PALM2AKAP2: variants seen among roughly 807,000 people sequenced by gnomAD.
PALM2AKAP2 encodes the protein PALM2-AKAP2 fusion protein.
In PALM2AKAP2, 37 loss-of-function variants were observed where a neutral mutation model predicts 71.5. The ratio of observed to expected loss-of-function variants is 0.52; its 90% CI spans 0.40 to 0.68. PALM2AKAP2 has a LOEUF of 0.68. Ranked by LOEUF, PALM2AKAP2 falls within the 30% of genes least tolerant of loss-of-function variation. PALM2AKAP2 has a pLI of 0.00. For missense variants in PALM2AKAP2, 1,224 were observed against 1,191.8 expected, an observed-to-expected ratio of 1.03 and a Z score of -0.40; for synonymous variants, 468 against 478.8, an observed-to-expected ratio of 0.98 and a Z score of 0.29.
chr9:109,757,207 G>GA (rs1458049631), intron 1 of PALM2AKAP2, among the ~76,000 whole-genome samples: 1 of 152,048 alleles, frequency 6.6e-6, no homozygotes, highest in Non-Finnish European at 1.5e-5. Context: ...GTATGAGTGA[G>GA]AAAATGCAAG....
chr9:109,864,010 G>T (rs1387876655), intron 1 of PALM2AKAP2, among the ~76,000 whole-genome samples: 1 of 151,936 alleles, frequency 6.6e-6, no homozygotes, highest in Non-Finnish European at 1.5e-5. Flanking sequence ...AACTCAGGAA[G>T]CAGAGGTTGC....
intron 6 of PALM2AKAP2, among the ~76,000 whole-genome samples, chr9:109,978,732 A>G (rs539462077): frequency 1.3e-5 from 2 of 152,166 alleles, no homozygotes; most frequent in South Asian, 2.1e-4. Context: ...TCTTTATGTC[A>G]TTGCCTTTGA....
At chr9:109,642,142 A>G (rs143188630) in intron 1 of PALM2AKAP2, among the ~76,000 whole-genome samples, 1 of 152,096 alleles carries the variant, frequency 6.6e-6, no homozygotes, top group Non-Finnish European at 1.5e-5. Context: ...GTAAATTGTA[A>G]GATATGTACA....
At chr9:110,055,671 G>A (rs1258181923) in intron 1 of PALM2AKAP2, among the ~76,000 whole-genome samples, 6 of 152,162 alleles carry the variant, frequency 3.9e-5, no homozygotes, top group Non-Finnish European at 8.8e-5. Flanking sequence ...CAGGGACCCT[G>A]GAAAGGATTC....
intron 1 of PALM2AKAP2, among the ~76,000 whole-genome samples, chr9:110,120,380 G>A (rs1835455852): frequency 6.6e-6 from 1 of 152,142 alleles, no homozygotes; most frequent in Admixed American, 6.5e-5. Context: ...GTCAGGGGAT[G>A]GGGACATTTT....
intron 2 of PALM2AKAP2, among the ~76,000 whole-genome samples, chr9:110,149,414 G>A (rs536759976): frequency 2.7e-4 from 41 of 152,306 alleles, no homozygotes; most frequent in Middle Eastern, 3.4e-3. Context: ...TTTTCTCAGC[G>A]TGGGCTAATA....
chr9:109,726,654 T>C (rs1008453206), intron 1 of PALM2AKAP2, among the ~76,000 whole-genome samples: 3 of 152,214 alleles, frequency 2.0e-5, no homozygotes, highest in South Asian at 2.1e-4. Context: ...TGTATGTGTG[T>C]AGAAATCTGA....
intron 1 of PALM2AKAP2, among the ~76,000 whole-genome samples, chr9:110,056,465 C>CT (rs2132528279): frequency 6.6e-6 from 1 of 152,342 alleles, no homozygotes; most frequent in African/African-American, 2.4e-5. Flanking sequence ...AATTCAAGTA[C>CT]TTTTCAACCC....
chr9:109,644,055 C>T (rs545907999), intron 1 of PALM2AKAP2, among the ~76,000 whole-genome samples: 50 of 152,136 alleles, frequency 3.3e-4, no homozygotes, highest in African/African-American at 1.1e-3. Context: ...CTCACTATTG[C>T]GAGTGAACAC....
intron 1 of PALM2AKAP2, among the ~76,000 whole-genome samples, chr9:110,086,731 C>A (rs1834583297): frequency 6.6e-6 from 1 of 152,212 alleles, no homozygotes; most frequent in African/African-American, 2.4e-5. Context: ...ATTTTCCATC[C>A]CTGTCCTACA....
At chr9:109,964,062 A>G (rs1015292000) in intron 6 of PALM2AKAP2, among the ~76,000 whole-genome samples, 10 of 152,258 alleles carry the variant, frequency 6.6e-5, no homozygotes, top group African/African-American at 2.4e-4. Context: ...CTCAGTCAGT[A>G]TGAAGTATAT....
At chr9:109,817,411 C>T (rs760340402) in intron 1 of PALM2AKAP2, among the ~76,000 whole-genome samples, 3 of 152,178 alleles carry the variant, frequency 2.0e-5, no homozygotes, top group Admixed American at 6.5e-5. Flanking sequence ...AAGGGTAGCA[C>T]GTCTAATCTA....
At chr9:110,022,108 C>A (rs915601928) in intron 7 of PALM2AKAP2, among the ~76,000 whole-genome samples, 51 of 152,192 alleles carry the variant, frequency 3.4e-4, no homozygotes, top group African/African-American at 1.2e-3. Context: ...GCTTCCCCTG[C>A]CTTCTAGACT....
At chr9:110,043,591 G>A (rs1431294792) in intron 7 of PALM2AKAP2, among the ~76,000 whole-genome samples, 5 of 149,902 alleles carry the variant, frequency 3.3e-5, no homozygotes, top group African/African-American at 1.2e-4. Flanking sequence ...TACTCATATT[G>A]TAGGCAAAAA....
At chr9:109,702,676 T>G (rs1405264581) in intron 1 of PALM2AKAP2, among the ~76,000 whole-genome samples, 1 of 150,856 alleles carries the variant, frequency 6.6e-6, no homozygotes, top group Non-Finnish European at 1.5e-5. Context: ...CACACCAACA[T>G]AGCACATGTA....
intron 1 of PALM2AKAP2, among the ~76,000 whole-genome samples, chr9:109,814,767 A>G (rs1304967255): frequency 6.6e-6 from 1 of 152,218 alleles, no homozygotes; most frequent in Non-Finnish European, 1.5e-5. Flanking sequence ...TCATCTATCA[A>G]CCATTAAGCT....
intron 1 of PALM2AKAP2, among the ~76,000 whole-genome samples, chr9:109,653,901 A>C (rs1302059536): frequency 6.6e-6 from 1 of 152,232 alleles, no homozygotes; most frequent in Non-Finnish European, 1.5e-5. Context: ...ACAAGTAAAC[A>C]CACAGAGCAA....
intron 1 of PALM2AKAP2, among the ~76,000 whole-genome samples, chr9:109,800,088 G>T (rs574094472): frequency 6.6e-6 from 1 of 152,300 alleles, no homozygotes; most frequent in East Asian, 1.9e-4. Context: ...AGATTGATGG[G>T]CAGAAATCCT....
At chr9:110,122,450 C>G (rs560035168) in intron 1 of PALM2AKAP2, among the ~76,000 whole-genome samples, 3 of 152,184 alleles carry the variant, frequency 2.0e-5, no homozygotes, top group Non-Finnish European at 4.4e-5. Context: ...TGGCTTCTAG[C>G]CAGAGCTCTG....
Sources: allele counts gnomAD v4.1 joint callset (sites outside exome capture counted in the v4.1 genomes callset), GRCh38; gene constraint gnomAD v4.1.1; transcripts MANE v1.5; gene names NCBI Gene and HGNC (gene_info 2026-07-23, HGNC 2026-07-21).